Variants in MACO1 observed in about 807,000 individuals in gnomAD.
MACO1 encodes macoilin.
A neutral mutation model predicts 78.7 loss-of-function variants in MACO1; 14 were observed. The ratio of observed to expected loss-of-function variants is 0.18; its 90% CI spans 0.12 to 0.28. The LOEUF (loss-of-function observed/expected upper bound fraction) is 0.28, where lower values mean the gene tolerates loss of function less well. Ranked by LOEUF, MACO1 falls within the 10% of genes least tolerant of loss-of-function variation. The pLI, the probability that MACO1 is intolerant of heterozygous loss-of-function variation, is 1.00. For synonymous variants in MACO1, 288 were observed against 291.6 expected (o/e 0.99, Z 0.12); for missense variants, 501 against 799.0 (o/e 0.63, Z 4.50).
intron 6 of MACO1, among the ~76,000 whole-genome samples, chr1:25,479,647 G>T (rs573033408): frequency 1.9e-4 from 29 of 152,234 alleles, no homozygotes; most frequent in African/African-American, 6.3e-4. Flanking sequence ...GACCTCAGAT[G>T]ATCTGCCCGC....
At chr1:25,493,124 G>A (rs550214191) in intron 10 of MACO1, among the ~76,000 whole-genome samples, 1 of 152,292 alleles carries the variant, frequency 6.6e-6, no homozygotes, top group East Asian at 1.9e-4. Context: ...AACATGGTGT[G>A]TGAACTTTTG....
chr1:25,476,310 A>C (rs942580106), intron 6 of MACO1, among the ~76,000 whole-genome samples: 1 of 152,188 alleles, frequency 6.6e-6, no homozygotes, highest in Non-Finnish European at 1.5e-5. Context: ...CAGAGACATA[A>C]AGTACTTTGT....
intron 2 of MACO1, 25 bp from the exon 3 acceptor site, chr1:25,448,783 T>C: frequency 6.6e-7 from 1 of 1,504,354 alleles, no homozygotes; most frequent in Non-Finnish European, 9.0e-7. Flanking sequence ...ATGTATCTTT[T>C]ATTTTGTTTT....
At chr1:25,448,577 T>G (rs1398803462) in intron 2 of MACO1, among the ~76,000 whole-genome samples, 1 of 152,230 alleles carries the variant, frequency 6.6e-6, no homozygotes, top group Non-Finnish European at 1.5e-5. Context: ...CAGTTCTTTT[T>G]CATGATTTGA....
At position 25,498,428 on chromosome 1, in the gene MACO1, G is replaced by A; in HGVS notation, c.1957G>A (p.Asp653Asn). The change falls in exon 11 of 11, where the codon GAC (aspartate) becomes AAC (asparagine). Residue 653 changes from aspartate to asparagine, a missense_variant. Physicochemically the swap from Asp to Asn is conservative, Grantham distance 23 (BLOSUM62 1). Around this residue, in one of 5 missense-constraint regions of MACO1, gnomAD observed 66 missense variants for 101.6 expected, o/e 0.65. Transcript: ENST00000374343. Reference protein sequence around the residue: ...KFVETSPSGLDPNASVYQPLK... With the variant: ...KFVETSPSGLNPNASVYQPLK... ...TGTGGAGACCAGCCCCTCTGGACTT[G>A]ACCCCAATGCCTCTGTTTACCAGCC... The A allele has an allele frequency of 6.2e-7, 1 of 1,613,580 alleles. No individual in the cohort carries two copies. The highest frequency in any genetic ancestry group is 1.7e-5 in the Admixed American group (1 of 59,930).
At position 25,430,959 on chromosome 1, in the gene MACO1, C is replaced by A. The variant is rs1417799108; in HGVS notation, c.-140C>A. The stretch of plus-strand genomic sequence containing the variant: ...GCCCCCCCTCCCCGTGCTACCCCCT[C>A]CCCCCGGGTGCTGGCTCCATGTCTG... On this transcript the variant is annotated 5_prime_UTR_variant, in exon 1 of 11. Transcript: ENST00000374343. 7 of 438,420 alleles carry A rather than the reference C, an allele frequency of 1.6e-5. No individual in the cohort carries two copies. Among genetic ancestry groups the A allele is most frequent in the South Asian group, 2.6e-5 (1 of 38,076 alleles). The allele number at this position is 438,420 out of a possible 1,614,324, so 27.2% of individuals were successfully genotyped here.
At chr1:25,488,763 G>C (rs560704400) in intron 8 of MACO1, among the ~76,000 whole-genome samples, 2 of 152,192 alleles carry the variant, frequency 1.3e-5, no homozygotes, top group South Asian at 4.1e-4. Context: ...GTGATTACAG[G>C]CGTGAGCCAC....
chr1:25,494,767 C>T (rs1227871258), intron 10 of MACO1, among the ~76,000 whole-genome samples: 4 of 152,100 alleles, frequency 2.6e-5, no homozygotes, highest in Admixed American at 6.5e-5. Context: ...GAGAGCAGAA[C>T]AGATACAAGG....
chr1:25,438,723 C>T (rs888271279), intron 1 of MACO1, among the ~76,000 whole-genome samples: 3 of 151,996 alleles, frequency 2.0e-5, no homozygotes, highest in Admixed American at 6.6e-5. Flanking sequence ...GCCAACGTGG[C>T]GAAACCCCGT....
chr1:25,492,774 T>C (rs2043498434), intron 10 of MACO1, among the ~76,000 whole-genome samples: 1 of 152,124 alleles, frequency 6.6e-6, no homozygotes, highest in Admixed American at 6.5e-5. Flanking sequence ...GAGTACTAAA[T>C]TGAGTATAGT....
intron 8 of MACO1, among the ~76,000 whole-genome samples, chr1:25,487,063 G>A (rs1297900742): frequency 6.6e-6 from 1 of 152,138 alleles, no homozygotes; most frequent in Non-Finnish European, 1.5e-5. Flanking sequence ...GAATCAGTAA[G>A]TTGATTTCAG....
chr1:25,463,088 T>C (rs1317750429), intron 6 of MACO1, among the ~76,000 whole-genome samples: 2 of 152,234 alleles, frequency 1.3e-5, no homozygotes, highest in African/African-American at 4.8e-5. Context: ...GTCCATCATA[T>C]AGTAGTCACT....
intron 10 of MACO1, among the ~76,000 whole-genome samples, chr1:25,497,730 C>G (rs764855021): frequency 6.6e-6 from 1 of 152,186 alleles, no homozygotes; most frequent in Non-Finnish European, 1.5e-5. Flanking sequence ...GTGACTGAGT[C>G]TGAGGCCTTG....
intron 6 of MACO1, among the ~76,000 whole-genome samples, chr1:25,462,740 T>C (rs1232258241): frequency 7.4e-5 from 5 of 67,458 alleles, no homozygotes; most frequent in Non-Finnish European, 1.9e-4. Flanking sequence ...AGAATTCTTA[T>C]AGCTCGGTTT....
intron 5 of MACO1, 90 bp from the exon 6 acceptor site, chr1:25,458,301 A>C (rs2043140478): frequency 6.7e-7 from 1 of 1,491,746 alleles, no homozygotes; most frequent in South Asian, 1.5e-5. Flanking sequence ...TTAAGTGTAG[A>C]TAATAGTTTG....
chr1:25,459,248 CA>C (rs1468100874), intron 6 of MACO1, among the ~76,000 whole-genome samples: 5 of 151,522 alleles, frequency 3.3e-5, no homozygotes, highest in African/African-American at 1.2e-4. Context: ...TGTGCTTGTT[CA>C]CGCAAATCTC....
chr1:25,485,926 GT>G lies in MACO1; in HGVS notation c.1496+135del. On this transcript the variant is annotated intron_variant, in intron 8 of 10. Transcript: ENST00000374343. This position sits in a 1 kb window ranked among gnomAD's most constrained non-coding sequence, Gnocchi z 4.3. The stretch of plus-strand genomic sequence containing the variant: ...CACGGATGGATTGCTTTTAAGTACT[GT>G]TTTATTAACTGGTTTAAACTCCATG... The G allele has an allele frequency of 2.0e-6, 2 of 1,002,258 alleles. No individual in the cohort carries two copies. Among genetic ancestry groups the G allele is most frequent in the Non-Finnish European group, 1.5e-6 (1 of 675,068 alleles). 62.1% of individuals were successfully genotyped at this position (1,002,258 alleles called of 1,614,324 possible).
chr1:25,451,932 CA>C (rs200770971), intron 3 of MACO1, among the ~76,000 whole-genome samples: 23 of 88,960 alleles, frequency 2.6e-4, no homozygotes, highest in Admixed American at 3.8e-4. Context: ...ACTCTGTCTC[CA>C]AAAAAAAAAG....
At chr1:25,480,198 C>T (rs1375535298) in intron 6 of MACO1, among the ~76,000 whole-genome samples, 1 of 152,154 alleles carries the variant, frequency 6.6e-6, no homozygotes, top group African/African-American at 2.4e-5. Context: ...AATTGTCCAT[C>T]ATAAATTTTT....
Sources: allele counts gnomAD v4.1 joint callset (sites outside exome capture counted in the v4.1 genomes callset), GRCh38; gene constraint gnomAD v4.1.1; regional missense constraint gnomAD v4.1.1; non-coding constraint Gnocchi (gnomAD v3.1); transcripts MANE v1.5; gene names NCBI Gene and HGNC (gene_info 2026-07-23, HGNC 2026-07-21).